The following GALNT13 variants were observed in gnomAD, a reference collection of about 807,000 sequenced individuals.
The protein encoded by GALNT13 is polypeptide N-acetylgalactosaminyltransferase 13, also known as UDP-GalNAc:polypeptide N-acetylgalactosaminyltransferase 13.
In GALNT13, 28 loss-of-function variants were observed where a neutral mutation model predicts 64.2. That is an observed-to-expected ratio of 0.44 (90% CI 0.32 to 0.60). GALNT13 has a LOEUF of 0.60. Among genes scored for constraint, GALNT13 ranks in the 20% least tolerant of loss-of-function variants. The pLI is 0.05. For synonymous variants in GALNT13, 214 were observed against 224.6 expected (o/e 0.95, Z 0.42); for missense variants, 577 against 669.8 (o/e 0.86, Z 1.53).
At chr2:153,515,935 G>A in the GALNT13 span, among the ~76,000 whole-genome samples, 3 of 152,262 alleles carry the variant, frequency 2.0e-5, no homozygotes, top group South Asian at 2.1e-4. Context: ...GCTGTTAGAC[G>A]TGATAATATC....
chr2:153,891,403 T>C (rs942114258), intron 1 of GALNT13, among the ~76,000 whole-genome samples: 17 of 152,052 alleles, frequency 1.1e-4, no homozygotes, highest in African/African-American at 4.1e-4. Context: ...TAGTCAGAGA[T>C]TGTGCACTTT....
the GALNT13 span, among the ~76,000 whole-genome samples, chr2:153,330,966 G>T: frequency 1.3e-5 from 2 of 152,048 alleles, no homozygotes. Context: ...TGACTAGTTT[G>T]TTGAGGGTTT....
At chr2:153,990,658 A>G (rs554132482) in intron 3 of GALNT13, among the ~76,000 whole-genome samples, 1 of 152,278 alleles carries the variant, frequency 6.6e-6, no homozygotes, top group Admixed American at 6.5e-5. Flanking sequence ...CTTTGAAAAT[A>G]AAACAAAAGA....
chr2:154,181,898 TTCTC>T (rs529013172), intron 4 of GALNT13, among the ~76,000 whole-genome samples: 4 of 152,048 alleles, frequency 2.6e-5, no homozygotes, highest in South Asian at 4.1e-4. Flanking sequence ...TTATTAGATT[TTCTC>T]TCTCTTTTTT....
downstream of GALNT13, among the ~76,000 whole-genome samples, chr2:154,455,564 A>G (rs1702021120): frequency 7.2e-6 from 1 of 138,936 alleles, no homozygotes; most frequent in Non-Finnish European, 1.5e-5. Flanking sequence ...TTTCCCCAAT[A>G]TGTCAAAATA....
the GALNT13 span, among the ~76,000 whole-genome samples, chr2:153,659,977 T>C: frequency 6.6e-6 from 1 of 152,162 alleles, no homozygotes; most frequent in Non-Finnish European, 1.5e-5. Context: ...ATGCTGGTTG[T>C]CTTCCATGGG....
Position 154,452,889 on chromosome 2 carries a change from T to C in GALNT13, c.*2338T>C, listed in dbSNP as rs774423482. 5.3e-5 allele frequency: 8 copies of C among 152,174 alleles called. No homozygotes were observed. Among genetic ancestry groups the C allele is most frequent in the Non-Finnish European group, 1.2e-4 (8 of 68,034 alleles). The allele number at this position is 152,174 out of a possible 1,614,324, so 9.4% of individuals were successfully genotyped here. A position where few individuals can be genotyped will look rare whatever the true frequency, so the allele number is the denominator to read the frequency against. On this transcript the variant is annotated 3_prime_UTR_variant, in exon 13 of 13. Coordinates refer to ENST00000392825, the MANE Select transcript of GALNT13 (RefSeq NM_052917.4). Reference sequence around the variant, plus strand: ...TAATGCACTTGTCTTATCCCTTATTTATGGAGCTAGACTGACATATTTCAA... The same window carrying C: ...TAATGCACTTGTCTTATCCCTTATTCATGGAGCTAGACTGACATATTTCAA...
At chr2:153,558,172 A>C in the GALNT13 span, among the ~76,000 whole-genome samples, 3 of 152,228 alleles carry the variant, frequency 2.0e-5, no homozygotes, top group Non-Finnish European at 2.9e-5. Context: ...AATATTTTTA[A>C]GTGAACAGAT....
chr2:153,367,787 G>A, the GALNT13 span, among the ~76,000 whole-genome samples: 3 of 151,896 alleles, frequency 2.0e-5, no homozygotes, highest in East Asian at 3.9e-4. Flanking sequence ...AAATCTTAGA[G>A]GGACCAGTAA....
chr2:154,004,384 T>C (rs111538791), intron 3 of GALNT13, among the ~76,000 whole-genome samples: 10,792 of 152,100 alleles, frequency 0.071, 454 homozygotes, highest in Middle Eastern at 0.13. Context: ...TTTTGTATTT[T>C]TAGTAGAGAG....
At chr2:153,457,587 T>C in the GALNT13 span, among the ~76,000 whole-genome samples, 1 of 152,186 alleles carries the variant, frequency 6.6e-6, no homozygotes, top group African/African-American at 2.4e-5. Context: ...TATGAGTAGA[T>C]ACAATTTCAC....
the GALNT13 span, among the ~76,000 whole-genome samples, chr2:153,692,171 T>C: frequency 2.6e-5 from 4 of 152,152 alleles, no homozygotes; most frequent in East Asian, 7.7e-4. Context: ...GTATAAATTA[T>C]ATAAACATAT....
chr2:154,276,387 T>C (rs1008024319), intron 8 of GALNT13, among the ~76,000 whole-genome samples: 1 of 151,996 alleles, frequency 6.6e-6, no homozygotes, highest in Admixed American at 6.6e-5. Flanking sequence ...ATCTGGTTAA[T>C]TTTTGTATTT....
chr2:154,378,632 C>T (rs6760854), intron 9 of GALNT13, among the ~76,000 whole-genome samples: 88,745 of 151,848 alleles, frequency 0.58, 26,228 homozygotes, highest in Admixed American at 0.65. Context: ...TTTTTCTTCG[C>T]ACCCATTGAC....
At chr2:154,150,295 A>G (rs1262625271) in intron 4 of GALNT13, among the ~76,000 whole-genome samples, 8 of 151,796 alleles carry the variant, frequency 5.3e-5, no homozygotes, top group African/African-American at 1.4e-4. Context: ...ATCATGGTGG[A>G]TAAGCTTTTT....
the GALNT13 span, among the ~76,000 whole-genome samples, chr2:153,329,720 G>A: frequency 6.6e-6 from 1 of 152,086 alleles, no homozygotes; most frequent in Non-Finnish European, 1.5e-5. Context: ...CTTCCATTTT[G>A]TAGGATGTCT....
At chr2:153,494,106 C>A in the GALNT13 span, among the ~76,000 whole-genome samples, 3 of 151,750 alleles carry the variant, frequency 2.0e-5, no homozygotes, top group African/African-American at 7.3e-5. Flanking sequence ...TCTTCACTTA[C>A]AACTATTGAA....
chr2:153,928,550 G>A (rs1048488408), intron 2 of GALNT13, among the ~76,000 whole-genome samples: 3 of 151,958 alleles, frequency 2.0e-5, no homozygotes, highest in African/African-American at 7.2e-5. Flanking sequence ...TAATGAACAA[G>A]CTTGAATCAT....
chr2:153,760,697 A>C, the GALNT13 span, among the ~76,000 whole-genome samples: 1 of 152,124 alleles, frequency 6.6e-6, no homozygotes, highest in Non-Finnish European at 1.5e-5. Flanking sequence ...CTTTCAAAGA[A>C]CATGTATTCT....
Sources: allele counts gnomAD v4.1 joint callset (sites outside exome capture counted in the v4.1 genomes callset), GRCh38; gene constraint gnomAD v4.1.1; transcripts MANE v1.5; gene names NCBI Gene and HGNC (gene_info 2026-07-23, HGNC 2026-07-21).